GEMIN5: variants seen among roughly 807,000 people sequenced by gnomAD.
GEMIN5 encodes gem-associated protein 5.
GEMIN5 carries 124 observed loss-of-function variants against 176.9 expected under a neutral mutation model. That is an observed-to-expected ratio of 0.70 (90% CI 0.61 to 0.81). The LOEUF is 0.81. Among genes scored for constraint, GEMIN5 ranks in the 40% least tolerant of loss-of-function variants. The pLI is 0.00. For synonymous variants in GEMIN5, 673 were observed against 665.2 expected (o/e 1.01, Z -0.18); for missense variants, 1,843 against 1,814.6 (o/e 1.02, Z -0.28).
rs562689329 is a variant in GEMIN5, at chr5:154,911,751, G to C, written c.2143C>G (p.Gln715Glu). The change falls in exon 15 of 28, where the codon CAA (glutamine) becomes GAA (glutamate). Residue 715 changes from glutamine to glutamate, a missense_variant. Gln to Glu is a conservative substitution (Grantham distance 29). Coordinates refer to ENST00000285873, the MANE Select transcript of GEMIN5 (RefSeq NM_015465.5). ...CCTTGAGGAGGCCGGGAATGATCTT[G>C]CATGGAAGTGAGCCACTTGTGCACA... ...FCVHKWLTSM[Q>E]DHSRPPQGKK... 1 of 1,613,940 alleles carries C rather than the reference G, an allele frequency of 6.2e-7. No homozygotes were observed. The highest frequency in any genetic ancestry group is 2.2e-5 in the East Asian group (1 of 44,890).
In GEMIN5 at chr5:154,889,326, T is replaced by C. The variant is rs747037689; in HGVS notation, c.4354A>G (p.Ile1452Val). 1.0e-5 allele frequency: 16 copies of C among 1,548,262 alleles called. 1 individual carries two copies. The highest frequency in any genetic ancestry group is 7.8e-5 in the South Asian group (7 of 89,686). The change falls in exon 27 of 28, where the codon ATT (isoleucine) becomes GTT (valine). Residue 1452 changes from isoleucine to valine, a missense_variant. Coordinates refer to ENST00000285873, the MANE Select transcript of GEMIN5 (RefSeq NM_015465.5). Reference protein sequence around the residue: ...NQRMAKFPESIKAWPFPDVLE... With the variant: ...NQRMAKFPESVKAWPFPDVLE... ...TGAACTGCTTTAACTCTTACCTTAA[T>C]GCTCTCAGGAAATTTCGCCATTCTC...
chr5:154,914,089 C>T (rs543405234), intron 13 of GEMIN5, among the ~76,000 whole-genome samples: 5 of 151,990 alleles, frequency 3.3e-5, no homozygotes, highest in African/African-American at 4.8e-5. Flanking sequence ...GGCACGATCT[C>T]GGCTCAATGC....
At position 154,903,169 on chromosome 5, in the gene GEMIN5, T is replaced by C. The variant is rs1383348380; in HGVS notation, c.2639A>G (p.Asn880Ser). The change falls in exon 19 of 28, where the codon AAT (asparagine) becomes AGT (serine). Residue 880 changes from asparagine to serine, a missense_variant. Asn to Ser is a conservative substitution (Grantham distance 46, BLOSUM62 1). Transcript: ENST00000285873. ...CTCAACATCAGCAGACACATCTTCA[T>C]TCAGCTCTGTTAATTTAAAAAGGCA... The part of the protein sequence containing the change: ...LATAKHSREL[N>S]EDVSADVEER... 1 of 1,607,874 alleles carries C rather than the reference T, an allele frequency of 6.2e-7. No homozygotes were observed. The highest frequency in any genetic ancestry group is 8.5e-7 in the Non-Finnish European group (1 of 1,175,400).
rs1323598042 is a variant in GEMIN5 at position 154,891,184 on chromosome 5, T to C, written c.4262+57A>G. On this transcript the variant is annotated intron_variant, in intron 26 of 27. Coordinates refer to ENST00000285873, the MANE Select transcript of GEMIN5 (RefSeq NM_015465.5). ...TGCTGGGATTATAGGCATGAACCAC[T>C]GTTCCTAGCCAGCAGGGTCATTTTT... is the stretch of plus-strand genomic sequence containing the variant. 6 of 1,469,136 alleles carry C rather than the reference T, an allele frequency of 4.1e-6. No homozygotes were observed. The African/African-American group carries it at 4.3e-5, about 11-fold the overall frequency. 91.0% of individuals were successfully genotyped at this position (1,469,136 alleles called of 1,614,324 possible).
chr5:154,932,187 A>G lies in GEMIN5; in HGVS notation c.573T>C (p.Leu191=). 1 of 1,610,302 alleles carries G rather than the reference A, an allele frequency of 6.2e-7. No homozygotes were observed. Among genetic ancestry groups the G allele is most frequent in the Middle Eastern group, 1.7e-4 (1 of 6,056 alleles). ...ISKKGEVIHR[L]RGHDDEIHSI... ...AGTGGATTTCATCATCATGGCCTCGAAGCCTATGAATAACTTCTCCTTTCT... is the reference window on the plus strand; with the variant it reads ...AGTGGATTTCATCATCATGGCCTCGGAGCCTATGAATAACTTCTCCTTTCT... Residue 191 remains leucine (L), a synonymous_variant, in exon 4 of 28, where the codon CTT becomes CTC. Transcript: ENST00000285873.
chr5:154,889,215 T>C, intron 27 of GEMIN5, 106 bp downstream of exon 27: 1 of 637,788 alleles, frequency 1.6e-6, no homozygotes, highest in Non-Finnish European at 2.9e-6. Flanking sequence ...TGGGTAGAGA[T>C]TTTAGAAACT....
chr5:154,931,489 G>A lies in GEMIN5; in HGVS notation c.750C>T (p.Thr250=). The part of the protein sequence containing the change: ...CYLATGSKDQ[T]IRIWSCSRGR... ...CTCTAGAACAGCTCCAGATTCGAAT[G>A]GTTTGATCTTTGCTTCCAGTGGCTA... Residue 250 remains threonine (T), a synonymous_variant, in exon 5 of 28, where the codon ACC becomes ACT. Coordinates refer to ENST00000285873, the MANE Select transcript of GEMIN5 (RefSeq NM_015465.5). The A allele has an allele frequency of 1.2e-6, 2 of 1,613,182 alleles. No homozygotes were observed. The highest frequency in any genetic ancestry group is 1.7e-6 in the Non-Finnish European group (2 of 1,179,212).
intron 10 of GEMIN5, 30 bp from the exon 11 acceptor site, chr5:154,920,133 G>A: frequency 6.3e-7 from 1 of 1,589,722 alleles, no homozygotes; most frequent in Non-Finnish European, 8.6e-7. Context: ...AAACTTATCA[G>A]TTTTGTACTT....
chr5:154,895,333 A>AAGG (rs1763326305), intron 24 of GEMIN5, among the ~76,000 whole-genome samples: 1 of 140,862 alleles, frequency 7.1e-6, no homozygotes, highest in Admixed American at 7.3e-5. Context: ...AGTCTCCAGA[A>AAGG]AGGAAAAAAA....
intron 1 of GEMIN5, 84 bp downstream of exon 1, chr5:154,937,884 G>C (rs80222919): frequency 4.0e-6 from 5 of 1,242,950 alleles, no homozygotes; most frequent in Non-Finnish European, 5.3e-6. Context: ...CCTAGCTGTA[G>C]AAAACGGGGT....
Position 154,938,129 on chromosome 5 carries a change from C to A in GEMIN5, c.5G>T (p.Gly2Val). The A allele has an allele frequency of 1.4e-6, 2 of 1,389,788 alleles. No individual in the cohort carries two copies. The highest frequency in any genetic ancestry group is 1.9e-6 in the Non-Finnish European group (2 of 1,067,164). The allele number at this position is 1,389,788 out of a possible 1,614,324, so 86.1% of individuals were successfully genotyped here. A position where few individuals can be genotyped will look rare whatever the true frequency, so the allele number is the denominator to read the frequency against. M[G>V]QEPRTLPPSP... ...GGGCGGCAGCGTCCGCGGCTCCTGC[C>A]CCATAACTACAAGCCGTCAGAGACA... The change falls in exon 1 of 28, where the codon GGG becomes GTG. Residue 2 changes from glycine to valine, a missense_variant. Transcript: ENST00000285873.
chr5:154,892,416 T>C lies in GEMIN5; in HGVS notation c.3731A>G (p.Gln1244Arg), dbSNP rs1287076974. The change falls in exon 25 of 28, where the codon CAG becomes CGG. Residue 1244 changes from glutamine to arginine, a missense_variant. Coordinates refer to ENST00000285873, the MANE Select transcript of GEMIN5 (RefSeq NM_015465.5). ...SYDSGSFTIM[Q>R]EVYSAFLPDG... ...AGGGAGAAAGGCTGAGTACACTTCCTGCATGATGGTGAAGCTCCCTGAGTC... is the reference window on the plus strand; with the variant it reads ...AGGGAGAAAGGCTGAGTACACTTCCCGCATGATGGTGAAGCTCCCTGAGTC... 1 of 1,614,150 alleles carries C rather than the reference T, an allele frequency of 6.2e-7. No homozygotes were observed. Among genetic ancestry groups the C allele is most frequent in the East Asian group, 2.2e-5 (1 of 44,874 alleles).
Position 154,913,186 on chromosome 5 carries a change from C to T in GEMIN5, c.1856-148G>A, listed in dbSNP as rs950500384. The T allele has an allele frequency of 7.7e-5, 51 of 660,790 alleles. No individual in the cohort carries two copies. In the African/African-American group the frequency reaches 8.2e-4, roughly 11 times the overall value. 40.9% of individuals were successfully genotyped at this position (660,790 alleles called of 1,614,324 possible). ...TTTTTTTTTGAGATGGAGTTTCGCT[C>T]TTGTTGCTCAGGCTGGAGTGCAATG... On this transcript the variant is annotated intron_variant, in intron 13 of 27. Transcript: ENST00000285873.
Position 154,892,548 on chromosome 5 carries a change from A to C in GEMIN5, c.3599T>G (p.Leu1200Arg), listed in dbSNP as rs1763253931. ...CAAGTCATGGCAAATGTGAAGCAGG[A>C]GCTGGAGAGAGAAGCCAGAGTCTGA... ...SATNNTPAKQLLLHICHDLTL... is the reference protein window; with the variant it reads ...SATNNTPAKQRLLHICHDLTL... Residue 1200 changes from leucine (L) to arginine (R), a missense_variant and splice_region_variant, in exon 25 of 28, where the codon CTC (leucine) becomes CGC (arginine). Leu to Arg is a moderately radical substitution (Grantham distance 102). Coordinates refer to ENST00000285873, the MANE Select transcript of GEMIN5 (RefSeq NM_015465.5). 1.2e-6 allele frequency: 2 copies of C among 1,613,204 alleles called. No homozygotes were observed. Among genetic ancestry groups the C allele is most frequent in the African/African-American group, 2.7e-5 (2 of 74,938 alleles).
chr5:154,919,699 A>G (rs1763883330), intron 11 of GEMIN5, among the ~76,000 whole-genome samples: 1 of 152,192 alleles, frequency 6.6e-6, no homozygotes, highest in Non-Finnish European at 1.5e-5. Context: ...CAATTGAGAC[A>G]GACCTTTTTT....
rs891505963 is a variant in GEMIN5, at chr5:154,898,659, T to C, written c.3135-9A>G. 2 of 1,583,654 alleles carry C rather than the reference T, an allele frequency of 1.3e-6. No individual in the cohort carries two copies. Among genetic ancestry groups the C allele is most frequent in the Non-Finnish European group, 1.7e-6 (2 of 1,152,462 alleles). On this transcript the variant is annotated splice_polypyrimidine_tract_variant and intron_variant, in intron 22 of 27. Coordinates refer to ENST00000285873, the MANE Select transcript of GEMIN5 (RefSeq NM_015465.5). Reference sequence around the variant, plus strand: ...AAGTGGCCCCTAAATAGCTATAATATGAATAAAAATGTGAAGAAAATGTCA... The same window carrying C: ...AAGTGGCCCCTAAATAGCTATAATACGAATAAAAATGTGAAGAAAATGTCA...
intron 20 of GEMIN5, among the ~76,000 whole-genome samples, chr5:154,901,925 C>A (rs1018556756): frequency 6.6e-6 from 1 of 152,102 alleles, no homozygotes; most frequent in East Asian, 1.9e-4. Context: ...CACAGCCTCC[C>A]GAGTAGCGGG....
Position 154,938,019 on chromosome 5 carries a change from CAAGG to C in GEMIN5, c.111_114del (p.Phe37LeufsTer20), listed in dbSNP as rs951958785. The C allele has an allele frequency of 1.3e-5, 20 of 1,567,132 alleles. No homozygotes were observed. Among genetic ancestry groups the C allele is most frequent in the Non-Finnish European group, 1.6e-5 (19 of 1,159,680 alleles). On this transcript the variant is annotated frameshift_variant, in exon 1 of 28. Coordinates refer to ENST00000285873, the MANE Select transcript of GEMIN5 (RefSeq NM_015465.5). LOFTEE classifies it high-confidence loss of function. ...TCGCCTGCGCCCGGGCCCACGCGGACAAGGAAGACGGAGGTCCGCGCGGCGAAGC... is the reference window on the plus strand; with the variant it reads ...TCGCCTGCGCCCGGGCCCACGCGGACAAGACGGAGGTCCGCGCGGCGAAGC...
At chr5:154,894,763 C>T (rs867790860) in intron 24 of GEMIN5, among the ~76,000 whole-genome samples, 6 of 152,028 alleles carry the variant, frequency 3.9e-5, no homozygotes, top group African/African-American at 9.7e-5. Context: ...AAAAATTAGC[C>T]GGGCATGGTG....
Sources: allele counts gnomAD v4.1 joint callset (sites outside exome capture counted in the v4.1 genomes callset), GRCh38; gene constraint gnomAD v4.1.1; transcripts MANE v1.5; gene names NCBI Gene and HGNC (gene_info 2026-07-23, HGNC 2026-07-21).